The following NTNG2 variants were observed in gnomAD, a reference collection of about 807,000 sequenced individuals.
NTNG2 encodes the protein netrin G2.
Under a neutral mutation model 47.6 loss-of-function variants are expected in NTNG2, and 15 were observed. The observed-to-expected ratio is 0.32, with a 90% CI of 0.21 to 0.49. The LOEUF (loss-of-function observed/expected upper bound fraction) is 0.49. Ranked by LOEUF, NTNG2 falls within the 20% of genes least tolerant of loss-of-function variation. NTNG2 has a pLI of 0.99. For missense variants in NTNG2, 578 were observed against 764.6 expected, an observed-to-expected ratio of 0.76 and a Z score of 2.88; for synonymous variants, 307 against 324.6, an observed-to-expected ratio of 0.95 and a Z score of 0.58.
chr9:132,211,916 T>G (rs555355834), intron 3 of NTNG2, among the ~76,000 whole-genome samples: 1 of 152,310 alleles, frequency 6.6e-6, no homozygotes, highest in South Asian at 2.1e-4. Context: ...TGTGTGGAAT[T>G]CATTCATTCA....
rs115630838 is a variant in NTNG2 at position 132,168,255 on chromosome 9, G to T, written c.213+1211G>T. Reference sequence around the variant, plus strand: ...GTGCTCCGGAGGCCGTCCCTGGCAGGGCAGGGCAGAGCTGGGTAGGGCAGC... The same window carrying T: ...GTGCTCCGGAGGCCGTCCCTGGCAGTGCAGGGCAGAGCTGGGTAGGGCAGC... On this transcript the variant is annotated intron_variant, in intron 2 of 7. Coordinates refer to ENST00000393229, the MANE Select transcript of NTNG2 (RefSeq NM_032536.4). Among the ~76,000 whole-genome samples the T allele has an allele frequency of 3.1e-3, 476 of 152,340 alleles. 4 individuals are homozygous for T. Among genetic ancestry groups the T allele is most frequent in the African/African-American group, 0.011 (465 of 41,568 alleles).
chr9:132,242,552 T>A lies in NTNG2; in HGVS notation c.*441T>A, dbSNP rs1842057738. On this transcript the variant is annotated 3_prime_UTR_variant, in exon 8 of 8. Transcript: ENST00000393229. This position sits in a 1 kb window ranked among gnomAD's most constrained non-coding sequence, Gnocchi z 5.9. The stretch of plus-strand genomic sequence containing the variant: ...GCGGCGGCGGACCCCGACCTCCAGT[T>A]GCCTACAATTCCAGTCGCTGACTTG... The A allele has an allele frequency of 6.6e-6, 1 of 152,280 alleles. No homozygotes were observed. Among genetic ancestry groups the A allele is most frequent in the Admixed American group, 6.5e-5 (1 of 15,282 alleles). The allele number at this position is 152,280 out of a possible 1,614,324, so 9.4% of individuals were successfully genotyped here.
chr9:132,235,566 G>A (rs906667628), intron 5 of NTNG2, among the ~76,000 whole-genome samples: 2 of 152,158 alleles, frequency 1.3e-5, no homozygotes, highest in South Asian at 2.1e-4. Context: ...TGTGGGGTGC[G>A]GGGCTGTGAT....
Position 132,215,647 on chromosome 9 carries a change from G to C in NTNG2, c.858-11202G>C, listed in dbSNP as rs1447056319. On this transcript the variant is annotated intron_variant, in intron 3 of 7. Transcript: ENST00000393229. This position sits in a 1 kb window ranked among gnomAD's most constrained non-coding sequence, Gnocchi z 4.2. ...TACTGAATCCTCCAAGAGGCCAGGGGGTGTGTCACCTCTTGGGGCGCCCCA... is the reference window on the plus strand; with the variant it reads ...TACTGAATCCTCCAAGAGGCCAGGGCGTGTGTCACCTCTTGGGGCGCCCCA... Among the ~76,000 whole-genome samples, 1 of 152,208 alleles carries C rather than the reference G, an allele frequency of 6.6e-6. No individual in the cohort carries two copies. Among genetic ancestry groups the C allele is most frequent in the Non-Finnish European group, 1.5e-5 (1 of 68,036 alleles).
Position 132,226,179 on chromosome 9 carries a change from G to A in NTNG2, c.858-670G>A, listed in dbSNP as rs767904300. On this transcript the variant is annotated intron_variant, in intron 3 of 7. Transcript: ENST00000393229. The surrounding 1 kb of genome is among the most constrained non-coding windows in gnomAD (Gnocchi z 4.8). ...CCCCTCATCAACTTTCGGTTACCCC[G>A]AGGTACAGTTTATATAGGACAGGCA... is the stretch of plus-strand genomic sequence containing the variant. Among the ~76,000 whole-genome samples the A allele has an allele frequency of 6.6e-6, 1 of 152,162 alleles. No homozygotes were observed. Among genetic ancestry groups the A allele is most frequent in the African/African-American group, 2.4e-5 (1 of 41,420 alleles).
chr9:132,188,895 G>A (rs78716473), intron 2 of NTNG2, among the ~76,000 whole-genome samples: 1,644 of 152,184 alleles, frequency 0.011, 40 homozygotes, highest in African/African-American at 0.037. Context: ...GTCGCTGCCC[G>A]CATGAAGCCT....
At position 132,197,580 on chromosome 9, in the gene NTNG2, C is replaced by T. The variant is rs1001697867; in HGVS notation, c.214-386C>T. ...CAGGCAGGGGCAGGAGGACAGCTGT[C>T]CCGGGGAGGCCCAGGCACACTGTCA... is the stretch of plus-strand genomic sequence containing the variant. On this transcript the variant is annotated intron_variant, in intron 2 of 7. Transcript: ENST00000393229. The surrounding 1 kb of genome is among the most constrained non-coding windows in gnomAD (Gnocchi z 4.3). Among the ~76,000 whole-genome samples the T allele has an allele frequency of 2.6e-5, 4 of 151,696 alleles. No individual in the cohort carries two copies. The highest frequency in any genetic ancestry group is 6.6e-5 in the Admixed American group (1 of 15,260).
At chr9:132,214,497 C>G (rs896866255) in intron 3 of NTNG2, among the ~76,000 whole-genome samples, 4 of 152,230 alleles carry the variant, frequency 2.6e-5, no homozygotes, top group Admixed American at 6.5e-5. Flanking sequence ...GAGGTGAGGC[C>G]CGGTGCTGCC....
chr9:132,163,129 G>A lies in NTNG2; in HGVS notation c.-484+890G>A, dbSNP rs1835208373. On this transcript the variant is annotated intron_variant, in intron 1 of 7. Transcript: ENST00000393229. The surrounding 1 kb of genome is among the most constrained non-coding windows in gnomAD (Gnocchi z 7.2). ...AAAGGGGGCGCCTCAGTCCCGGCCG[G>A]GCCTTTATTACGGGCTTAATTATTA... Among the ~76,000 whole-genome samples the A allele has an allele frequency of 6.6e-6, 1 of 152,178 alleles. No individual in the cohort carries two copies. Among genetic ancestry groups the A allele is most frequent in the Non-Finnish European group, 1.5e-5 (1 of 68,024 alleles).
At position 132,162,567 on chromosome 9, in the gene NTNG2, A is replaced by AGTGT. The variant is rs1491423706; in HGVS notation, c.-484+329_-484+330insTGTG. On this transcript the variant is annotated intron_variant, in intron 1 of 7. Transcript: ENST00000393229. The surrounding 1 kb of genome is among the most constrained non-coding windows in gnomAD (Gnocchi z 4.6). ...GTGTGTGTGTGTGTGAGAGAGAGACAGAGTGTGTGTGTGTGTGTGTGTGTG... is the reference window on the plus strand; with the variant it reads ...GTGTGTGTGTGTGTGAGAGAGAGACAGTGTGAGTGTGTGTGTGTGTGTGTGTGTG... 5.9e-3 allele frequency among the ~76,000 whole-genome samples: 596 copies of AGTGT among 101,748 alleles called. 14 individuals carry two copies. The highest frequency in any genetic ancestry group is 0.02 in the African/African-American group (558 of 27,482). The allele number at this position is 101,748 out of a possible 152,430, so 66.8% of individuals were successfully genotyped here. A position where few individuals can be genotyped will look rare whatever the true frequency, so the allele number is the denominator to read the frequency against.
chr9:132,168,640 G>A (rs759548195), intron 2 of NTNG2, among the ~76,000 whole-genome samples: 6 of 152,110 alleles, frequency 3.9e-5, no homozygotes, highest in Admixed American at 6.5e-5. Flanking sequence ...CCCGGGGACC[G>A]CAGGGCCAAG....
Position 132,221,405 on chromosome 9 carries a change from A to G in NTNG2, c.858-5444A>G, listed in dbSNP as rs1331050206. ...GGCCAAGAGGTCATACACAAACACC[A>G]TGTCCACACACACCGACACAGAGGC... On this transcript the variant is annotated intron_variant, in intron 3 of 7. Transcript: ENST00000393229. The surrounding 1 kb of genome is among the most constrained non-coding windows in gnomAD (Gnocchi z 4.2). Among the ~76,000 whole-genome samples, 2 of 152,188 alleles carry G rather than the reference A, an allele frequency of 1.3e-5. No individual in the cohort carries two copies. Among genetic ancestry groups the G allele is most frequent in the African/African-American group, 4.8e-5 (2 of 41,554 alleles).
At chr9:132,240,837 G>C in intron 6 of NTNG2, 73 bp from the exon 7 acceptor site, 1 of 1,605,092 alleles carries the variant, frequency 6.2e-7, no homozygotes. Context: ...CTGCGAGGCC[G>C]GGAGAGTGGG....
At chr9:132,214,925 G>A (rs1301255117) in intron 3 of NTNG2, among the ~76,000 whole-genome samples, 1 of 151,820 alleles carries the variant, frequency 6.6e-6, no homozygotes, top group Non-Finnish European at 1.5e-5. Flanking sequence ...AGGCTGAAGG[G>A]CAGTGCAGTG....
At chr9:132,193,700 C>T (rs183614163) in intron 2 of NTNG2, among the ~76,000 whole-genome samples, 7 of 152,238 alleles carry the variant, frequency 4.6e-5, no homozygotes, top group Admixed American at 1.3e-4. Context: ...CCATTCCTCC[C>T]GGCCTGTTCC....
intron 3 of NTNG2, among the ~76,000 whole-genome samples, chr9:132,212,629 G>A (rs1164614165): frequency 6.6e-6 from 1 of 151,914 alleles, no homozygotes; most frequent in East Asian, 1.9e-4. Context: ...TTGGTTCCTC[G>A]CTTTCTCAGG....
chr9:132,220,950 C>T (rs1271363955), intron 3 of NTNG2, among the ~76,000 whole-genome samples: 4 of 151,982 alleles, frequency 2.6e-5, no homozygotes, highest in Admixed American at 2.6e-4. Flanking sequence ...TTTGTGATCC[C>T]AGGTCTTATG....
chr9:132,229,501 AC>A (rs1841038320), intron 4 of NTNG2, among the ~76,000 whole-genome samples: 2 of 150,872 alleles, frequency 1.3e-5, no homozygotes, highest in South Asian at 2.1e-4. Context: ...CCAGCCCATC[AC>A]CCTCCAGGGC....
Position 132,195,382 on chromosome 9 carries a change from T to C in NTNG2, c.214-2584T>C, listed in dbSNP as rs541274578. On this transcript the variant is annotated intron_variant, in intron 2 of 7. Coordinates refer to ENST00000393229, the MANE Select transcript of NTNG2 (RefSeq NM_032536.4). The stretch of plus-strand genomic sequence containing the variant: ...GGAGCGCAGTGGCGCGATCTCGGCT[T>C]ACTGCAAGCTCCTCCTCCCGGGTTC... 1.9e-3 allele frequency among the ~76,000 whole-genome samples: 289 copies of C among 152,050 alleles called. 6 individuals are homozygous for C. The highest frequency in any genetic ancestry group is 6.6e-3 in the African/African-American group (272 of 41,498).
Sources: gnomAD v4.1 joint callset for allele counts (sites outside exome capture counted in the v4.1 genomes callset) on GRCh38, gnomAD v4.1.1 for gene constraint, Gnocchi (gnomAD v3.1) non-coding constraint, MANE v1.5 for transcripts, NCBI Gene and HGNC (gene_info 2026-07-23, HGNC 2026-07-21) for gene names.